KNDC1: variants seen among roughly 807,000 people sequenced by gnomAD.
The protein encoded by KNDC1 is kinase non-catalytic C-lobe domain-containing protein 1.
Under a neutral mutation model 172.8 loss-of-function variants are expected in KNDC1, and 106 were observed. The observed-to-expected ratio is 0.61, with a 90% CI of 0.52 to 0.72. The LOEUF (loss-of-function observed/expected upper bound fraction) is 0.72. KNDC1 is among the 30% of genes least tolerant of loss of function. The probability of loss-of-function intolerance (pLI) is 0.00; values close to 1 mark genes in which losing one functional copy is unlikely to be tolerated. For synonymous variants in KNDC1, 1,083 were observed against 1,062.2 expected (o/e 1.02, Z -0.38); for missense variants, 2,325 against 2,394.5 (o/e 0.97, Z 0.61).
intron 10 of KNDC1, 87 bp from the exon 11 acceptor site, chr10:133,196,971 C>T: frequency 9.2e-7 from 1 of 1,089,270 alleles, no homozygotes; most frequent in Non-Finnish European, 1.4e-6. Context: ...CAGCCCTGAG[C>T]TTTTTCAGAT....
chr10:133,186,779 CCTT>C, intron 6 of KNDC1, 105 bp downstream of exon 6: 1 of 764,488 alleles, frequency 1.3e-6, no homozygotes, highest in Admixed American at 3.0e-5. Flanking sequence ...AGAGAATTAA[CCTT>C]CACCCTCGCT....
At chr10:133,181,168 G>A (rs1353048254) in intron 3 of KNDC1, among the ~76,000 whole-genome samples, 2 of 151,742 alleles carry the variant, frequency 1.3e-5, no homozygotes, top group South Asian at 2.1e-4. Context: ...GACGCCACAC[G>A]GGGCACCCAC....
In KNDC1 at chr10:133,190,055, C is replaced by A. The variant is rs1293440954; in HGVS notation, c.1575+242C>A. Among the ~76,000 whole-genome samples, 5 of 152,194 alleles carry A rather than the reference C, an allele frequency of 3.3e-5. No homozygotes were observed. The East Asian group carries it at 9.6e-4, about 29-fold the overall frequency. On this transcript the variant is annotated intron_variant, in intron 9 of 29. Transcript: ENST00000304613. ...AGCTGCGCCTCCTGGCTCACGAGAA[C>A]TAAGGGCTAAACAACCAGGGATGTG...
At position 133,186,063 on chromosome 10, in the gene KNDC1, G is replaced by A; in HGVS notation, c.715G>A (p.Val239Ile). 2 of 1,599,634 alleles carry A rather than the reference G, an allele frequency of 1.3e-6. No individual in the cohort carries two copies. Among genetic ancestry groups the A allele is most frequent in the African/African-American group, 2.7e-5 (2 of 74,858 alleles). The part of the protein sequence containing the change: ...PPGDPSTDPE[V>I]LPTPEGPESE... ...CGGGGACCCCAGCACTGACCCGGAG[G>A]TTCTGCCGACCCCCGAAGGCCCGGA... The change falls in exon 6 of 30, where the codon GTT (valine) becomes ATT (isoleucine). Residue 239 changes from valine to isoleucine, a missense_variant. By Grantham distance (29) the Val-to-Ile change is conservative (BLOSUM62 3). Transcript: ENST00000304613.
Position 133,206,764 on chromosome 10 carries a change from A to C in KNDC1, c.3467A>C (p.Glu1156Ala). The C allele has an allele frequency of 6.2e-7, 1 of 1,614,078 alleles. No individual in the cohort carries two copies. Among genetic ancestry groups the C allele is most frequent in the South Asian group, 1.1e-5 (1 of 91,092 alleles). The change falls in exon 18 of 30, where the codon GAA becomes GCA. Residue 1156 changes from glutamate to alanine, a missense_variant. Physicochemically the swap from Glu to Ala is moderately radical, Grantham distance 107. Coordinates refer to ENST00000304613, the MANE Select transcript of KNDC1 (RefSeq NM_152643.8). ...LKFYQKLLQK[E>A]KRNKGSDVKT... is the part of the protein sequence containing the mutation. ...TTCTACCAGAAACTCTTACAGAAGG[A>C]AAAGAGGAACAAAGGTAAGGCCCCT... is the stretch of plus-strand genomic sequence containing the variant.
chr10:133,207,048 A>C, intron 19 of KNDC1, 89 bp from the exon 20 acceptor site: 1 of 1,531,588 alleles, frequency 6.5e-7, no homozygotes, highest in South Asian at 1.1e-5. Flanking sequence ...GTGTGAAGTT[A>C]TAAAAGGGGC....
intron 9 of KNDC1, among the ~76,000 whole-genome samples, chr10:133,194,372 A>G (rs1854132466): frequency 1.3e-5 from 2 of 152,210 alleles, no homozygotes; most frequent in Admixed American, 1.3e-4. Flanking sequence ...AAAATGCAAC[A>G]TATGGCGAAC....
At chr10:133,210,880 G>GTCCGGC (rs1845349989) in intron 21 of KNDC1, among the ~76,000 whole-genome samples, 156 bp downstream of exon 21, 1 of 152,202 alleles carries the variant, frequency 6.6e-6, no homozygotes, top group Non-Finnish European at 1.5e-5. Flanking sequence ...CCGGCTGGAG[G>GTCCGGC]TGGAGGACAC....
chr10:133,219,782 C>G (rs534202313), intron 28 of KNDC1, among the ~76,000 whole-genome samples, 173 bp from the exon 29 acceptor site: 7 of 152,364 alleles, frequency 4.6e-5, no homozygotes, highest in Admixed American at 1.3e-4. Flanking sequence ...TGAGCCAAGT[C>G]CAACCATCCA....
chr10:133,160,511 A>G lies in KNDC1; in HGVS notation c.44A>G (p.Asp15Gly). ...GCCGCGGCGGATCTTTACGAGGAGG[A>G]CGGCAAAGACCTGGACTTCTACGAC... ...DPAAADLYEE[D>G]GKDLDFYDFE... is the part of the protein sequence containing the mutation. The change falls in exon 1 of 30, where the codon GAC becomes GGC. Residue 15 changes from aspartate to glycine, a missense_variant. Coordinates refer to ENST00000304613, the MANE Select transcript of KNDC1 (RefSeq NM_152643.8). The G allele has an allele frequency of 6.3e-7, 1 of 1,590,672 alleles. No individual in the cohort carries two copies. The highest frequency in any genetic ancestry group is 1.7e-5 in the Admixed American group (1 of 57,796).
chr10:133,217,010 G>A (rs369175418), intron 26 of KNDC1, among the ~76,000 whole-genome samples: 21 of 152,274 alleles, frequency 1.4e-4, no homozygotes, highest in African/African-American at 4.6e-4. Flanking sequence ...CAGGGTGGGC[G>A]CCGGGGGCTG....
intron 20 of KNDC1, among the ~76,000 whole-genome samples, chr10:133,207,921 T>C (rs1845248684): frequency 6.6e-6 from 1 of 151,982 alleles, no homozygotes; most frequent in South Asian, 2.1e-4. Context: ...CCCTTGGCCC[T>C]TCACCCACTC....
chr10:133,188,485 G>T, intron 6 of KNDC1, 54 bp from the exon 7 acceptor site: 1 of 1,191,834 alleles, frequency 8.4e-7, no homozygotes, highest in Non-Finnish European at 1.2e-6. Context: ...CTCTCCAGGC[G>T]GCGGGCCCTG....
intron 17 of KNDC1, among the ~76,000 whole-genome samples, chr10:133,205,654 T>G (rs2136010571): frequency 6.6e-6 from 1 of 152,308 alleles, no homozygotes. Flanking sequence ...GGAATCCGCA[T>G]CATTGGGCTT....
chr10:133,191,749 AGAGGACCAGG>A (rs1200108785), intron 9 of KNDC1, among the ~76,000 whole-genome samples: 2 of 152,240 alleles, frequency 1.3e-5, no homozygotes, highest in Non-Finnish European at 2.9e-5. Flanking sequence ...GTCTGTAATC[AGAGGACCAGG>A]GAGGACCAGG....
chr10:133,189,821 G>T lies in KNDC1; in HGVS notation c.1575+8G>T. The T allele has an allele frequency of 6.2e-7, 1 of 1,611,346 alleles. No homozygotes were observed. Among genetic ancestry groups the T allele is most frequent in the East Asian group, 2.2e-5 (1 of 44,842 alleles). On this transcript the variant is annotated splice_region_variant and intron_variant, in intron 9 of 29. Transcript: ENST00000304613. ...AGGCTGGTAACTGAAAAGGTACCCG[G>T]GCCCTCCCCACCCTGCCCCAGCCCT...
intron 1 of KNDC1, 181 bp from the exon 2 acceptor site, chr10:133,167,200 G>T (rs1008726585): frequency 4.8e-6 from 3 of 630,510 alleles, no homozygotes; most frequent in Non-Finnish European, 8.2e-6. Flanking sequence ...TGGCTCTGAC[G>T]TCCAGGGAAC....
chr10:133,175,777 G>A (rs1468040978), intron 3 of KNDC1, among the ~76,000 whole-genome samples: 1 of 151,670 alleles, frequency 6.6e-6, no homozygotes, highest in African/African-American at 2.4e-5. Flanking sequence ...ATGGACGGGT[G>A]GAGGATGGGC....
chr10:133,169,022 G>C lies in KNDC1; in HGVS notation c.360+710G>C, dbSNP rs542885689. Reference sequence around the variant, plus strand: ...GCTGGGCTCTGTCCCCGGGCAGGGAGTGGCCCATTGGTGGTTCCTACTGTC... The same window carrying C: ...GCTGGGCTCTGTCCCCGGGCAGGGACTGGCCCATTGGTGGTTCCTACTGTC... On this transcript the variant is annotated intron_variant, in intron 3 of 29. Coordinates refer to ENST00000304613, the MANE Select transcript of KNDC1 (RefSeq NM_152643.8). Among the ~76,000 whole-genome samples, 3 of 152,374 alleles carry C rather than the reference G, an allele frequency of 2.0e-5. No individual in the cohort carries two copies. The East Asian group carries it at 5.8e-4, about 29-fold the overall frequency.
Sources: allele counts gnomAD v4.1 joint callset (sites outside exome capture counted in the v4.1 genomes callset), GRCh38; gene constraint gnomAD v4.1.1; transcripts MANE v1.5; gene names NCBI Gene and HGNC (gene_info 2026-07-23, HGNC 2026-07-21).